Variants in PLCB1 observed in about 807,000 individuals in gnomAD.
PLCB1 encodes the protein phospholipase C beta 1.
In PLCB1, 46 loss-of-function variants were observed where a neutral mutation model predicts 161.8. The ratio of observed to expected loss-of-function variants is 0.28; its 90% CI spans 0.22 to 0.36. The LOEUF is 0.36. Ranked by LOEUF, PLCB1 falls within the 10% of genes least tolerant of loss-of-function variation. The pLI is 1.00. For synonymous variants in PLCB1, 517 were observed against 503.7 expected (o/e 1.03, Z -0.35); for missense variants, 1,016 against 1,472.5 (o/e 0.69, Z 5.07).
intron 31 of PLCB1, among the ~76,000 whole-genome samples, chr20:8,806,556 G>A (rs1984547465): frequency 1.3e-5 from 2 of 151,960 alleles, no homozygotes; most frequent in African/African-American, 4.8e-5. Flanking sequence ...CTTCCCCTGA[G>A]GTCTTCTTTC....
intron 23 of PLCB1, among the ~76,000 whole-genome samples, chr20:8,745,594 T>A (rs1981129142): frequency 6.6e-6 from 1 of 151,938 alleles, no homozygotes; most frequent in African/African-American, 2.4e-5. Context: ...ATTATTCAGA[T>A]TATATTATAC....
At chr20:8,323,445 G>C (rs896694037) in intron 2 of PLCB1, among the ~76,000 whole-genome samples, 3 of 152,112 alleles carry the variant, frequency 2.0e-5, no homozygotes, top group African/African-American at 7.2e-5. Context: ...CATCTCAAAA[G>C]CTTCCTTCCC....
chr20:8,711,519 C>T (rs1025840437), intron 12 of PLCB1, among the ~76,000 whole-genome samples: 1 of 152,122 alleles, frequency 6.6e-6, no homozygotes, highest in Non-Finnish European at 1.5e-5. Context: ...AACAGGAAAA[C>T]AGCCTTTCCA....
chr20:8,830,934 G>C (rs11906477), intron 31 of PLCB1, among the ~76,000 whole-genome samples: 43,943 of 151,948 alleles, frequency 0.29, 6,527 homozygotes, highest in Middle Eastern at 0.41. Context: ...TCACAGCACC[G>C]TGGACAAGAG....
intron 3 of PLCB1, among the ~76,000 whole-genome samples, chr20:8,565,078 G>T (rs1164752012): frequency 6.6e-6 from 1 of 152,076 alleles, no homozygotes; most frequent in African/African-American, 2.4e-5. Context: ...CAAAGACTTG[G>T]AACCAACCCA....
At chr20:8,525,450 G>A (rs6118232) in intron 3 of PLCB1, among the ~76,000 whole-genome samples, 1 of 152,094 alleles carries the variant, frequency 6.6e-6, no homozygotes, top group African/African-American at 2.4e-5. Context: ...GTGTTGATAA[G>A]GCCAAGTTCA....
intron 31 of PLCB1, among the ~76,000 whole-genome samples, chr20:8,874,605 T>C (rs1347955816): frequency 1.3e-5 from 2 of 152,038 alleles, no homozygotes; most frequent in Non-Finnish European, 2.9e-5. Context: ...TCAGTCTTTA[T>C]GGGTGAAATG....
At position 8,788,470 on chromosome 20, in the gene PLCB1, G is replaced by A. The variant is rs1266449223; in HGVS notation, c.3133G>A (p.Val1045Ile). Reference sequence around the variant, plus strand: ...CCAGCTTATTCAAAAGTTGACGGATGTCGCAGAAGAGTGTCAGAACAATCA... The same window carrying A: ...CCAGCTTATTCAAAAGTTGACGGATATCGCAGAAGAGTGTCAGAACAATCA... ...IKLLIQKLTDVAEECQNNQLK... is the reference protein window; with the variant it reads ...IKLLIQKLTDIAEECQNNQLK... The change falls in exon 28 of 32, where the codon GTC (valine) becomes ATC (isoleucine). Residue 1045 changes from valine (V) to isoleucine (I), a missense_variant. Val to Ile is a conservative substitution (Grantham distance 29). This residue lies in a region of PLCB1 where 398 missense variants were observed against 445.4 expected (regional missense o/e 0.89). Coordinates refer to ENST00000338037, the MANE Select transcript of PLCB1 (RefSeq NM_015192.4). 13 of 1,613,612 alleles carry A rather than the reference G, an allele frequency of 8.1e-6. No individual in the cohort carries two copies. The highest frequency in any genetic ancestry group is 1.1e-5 in the Non-Finnish European group (13 of 1,179,850).
At chr20:8,836,135 G>A (rs933358514) in intron 31 of PLCB1, among the ~76,000 whole-genome samples, 5 of 152,090 alleles carry the variant, frequency 3.3e-5, no homozygotes, top group African/African-American at 1.2e-4. Flanking sequence ...CTCAAAAGCA[G>A]GAGCATAGAC....
In PLCB1 at chr20:8,848,441, G is replaced by T. The variant is rs534822218; in HGVS notation, c.3424-33181G>T. On this transcript the variant is annotated intron_variant, in intron 31 of 31. Transcript: ENST00000338037. ...TCACCCCTATCCTGAGGCTCTCCAG[G>T]GGCCCTATTCTAAATCTACTTATTA... is the stretch of plus-strand genomic sequence containing the variant. 1.4e-3 allele frequency among the ~76,000 whole-genome samples: 219 copies of T among 152,272 alleles called. 1 individual carries two copies. The highest frequency in any genetic ancestry group is 5.0e-3 in the African/African-American group (207 of 41,546).
In PLCB1 at chr20:8,442,510, A is replaced by C. The variant is rs148746944; in HGVS notation, c.246+71060A>C. Among the ~76,000 whole-genome samples the C allele has an allele frequency of 4.1e-3, 630 of 152,312 alleles. 7 individuals are homozygous for C. Among genetic ancestry groups the C allele is most frequent in the African/African-American group, 0.014 (600 of 41,564 alleles). ...TCTTAATACTATCACAATGGCCATTAAGTTTCAGCATCTGAATTTTAGAGG... is the reference window on the plus strand; with the variant it reads ...TCTTAATACTATCACAATGGCCATTCAGTTTCAGCATCTGAATTTTAGAGG... On this transcript the variant is annotated intron_variant, in intron 3 of 31. Coordinates refer to ENST00000338037, the MANE Select transcript of PLCB1 (RefSeq NM_015192.4).
chr20:8,787,117 A>C (rs543776860), intron 27 of PLCB1, among the ~76,000 whole-genome samples: 1 of 152,334 alleles, frequency 6.6e-6, no homozygotes, highest in East Asian at 1.9e-4. Flanking sequence ...GGCCACAAAA[A>C]GTTAGGCTTG....
rs368438624 is a variant in PLCB1, at chr20:8,477,254, T to C, written c.246+105804T>C. Among the ~76,000 whole-genome samples the C allele has an allele frequency of 7.9e-5, 12 of 152,196 alleles. No individual in the cohort carries two copies. The East Asian group carries it at 1.7e-3, about 22-fold the overall frequency. ...ACGCATGTTCAATTTTGAGAGATGT[T>C]GCTAACTGGGAGGCAAAGCTGTAGA... On this transcript the variant is annotated intron_variant, in intron 3 of 31. Coordinates refer to ENST00000338037, the MANE Select transcript of PLCB1 (RefSeq NM_015192.4).
chr20:8,234,100 T>G (rs1337164654), intron 2 of PLCB1, among the ~76,000 whole-genome samples: 1 of 152,126 alleles, frequency 6.6e-6, no homozygotes, highest in Non-Finnish European at 1.5e-5. Context: ...AGAGTGAAAC[T>G]GCTGAGTTAT....
intron 2 of PLCB1, among the ~76,000 whole-genome samples, chr20:8,221,516 G>A (rs1233881852): frequency 6.6e-6 from 1 of 152,102 alleles, no homozygotes; most frequent in Non-Finnish European, 1.5e-5. Context: ...ATAAAGGCAA[G>A]GTTTTAAATC....
chr20:8,537,435 C>G (rs1038313154), intron 3 of PLCB1, among the ~76,000 whole-genome samples: 5 of 152,230 alleles, frequency 3.3e-5, no homozygotes, highest in African/African-American at 1.2e-4. Context: ...AGCTGCGCAT[C>G]ACCAGTTTCA....
chr20:8,732,845 AATTATAT>A (rs3034832), intron 18 of PLCB1, among the ~76,000 whole-genome samples: 48,679 of 144,120 alleles, frequency 0.34, 8,517 homozygotes, highest in East Asian at 0.5. Flanking sequence ...ATTTATATAT[AATTATAT>A]ATTATATATT....
chr20:8,443,976 A>T (rs1454437498), intron 3 of PLCB1, among the ~76,000 whole-genome samples: 1 of 151,872 alleles, frequency 6.6e-6, no homozygotes, highest in Non-Finnish European at 1.5e-5. Flanking sequence ...TTTTTTCCTC[A>T]TTAAAGTCTC....
At chr20:8,590,230 G>A (rs1280801805) in intron 3 of PLCB1, among the ~76,000 whole-genome samples, 1 of 152,152 alleles carries the variant, frequency 6.6e-6, no homozygotes, top group Non-Finnish European at 1.5e-5. Context: ...TCCAGAGAGT[G>A]CCAAGGAAAT....
Sources: gnomAD v4.1 joint callset for allele counts (sites outside exome capture counted in the v4.1 genomes callset) on GRCh38, gnomAD v4.1.1 for gene constraint, gnomAD v4.1.1 regional missense constraint, MANE v1.5 for transcripts, NCBI Gene and HGNC (gene_info 2026-07-23, HGNC 2026-07-21) for gene names.